NR5A1: variants seen among roughly 807,000 people sequenced by gnomAD.
NR5A1 encodes the protein nuclear receptor subfamily 5 group A member 1.
NR5A1 carries 6 observed loss-of-function variants against 42.7 expected under a neutral mutation model. That is an observed-to-expected ratio of 0.14 (90% CI 0.08 to 0.28). The LOEUF (loss-of-function observed/expected upper bound fraction) is 0.28, where lower values mean the gene tolerates loss of function less well. Among genes scored for constraint, NR5A1 ranks in the 10% least tolerant of loss-of-function variants. The pLI, the probability that NR5A1 is intolerant of heterozygous loss-of-function variation, is 1.00. For missense variants in NR5A1, 442 were observed against 626.4 expected, an observed-to-expected ratio of 0.71 and a Z score of 3.14; for synonymous variants, 274 against 277.5, an observed-to-expected ratio of 0.99 and a Z score of 0.12.
chr9:124,489,427 A>C (rs1832269347), intron 6 of NR5A1, among the ~76,000 whole-genome samples: 1 of 152,166 alleles, frequency 6.6e-6, no homozygotes, highest in Admixed American at 6.5e-5. Flanking sequence ...GTCACACACA[A>C]ACTCTTCACA....
At chr9:124,487,314 G>T (rs1390483374) in intron 6 of NR5A1, among the ~76,000 whole-genome samples, 1 of 152,250 alleles carries the variant, frequency 6.6e-6, no homozygotes, top group African/African-American at 2.4e-5. Flanking sequence ...CTCGAGTGGG[G>T]CTGCTATTCA....
chr9:124,487,847 C>T (rs779161050), intron 6 of NR5A1, among the ~76,000 whole-genome samples: 9 of 152,246 alleles, frequency 5.9e-5, no homozygotes, highest in Admixed American at 2.0e-4. Context: ...CTGCTCCAGC[C>T]CAGCCCCAGG....
At position 124,485,552 on chromosome 9, in the gene NR5A1, C is replaced by T. The variant is rs573850902; in HGVS notation, c.1139-2547G>A. On this transcript the variant is annotated intron_variant, in intron 6 of 6. Transcript: ENST00000373588. ...TCCCAGCCCAGCCCAGGCTCCTCAC[C>T]CTCCCTTCTGAAGCGAGCCAGGAGC... is the stretch of plus-strand genomic sequence containing the variant. Among the ~76,000 whole-genome samples the T allele has an allele frequency of 3.9e-5, 6 of 152,322 alleles. No homozygotes were observed. In the South Asian group the frequency reaches 1.2e-3, roughly 32 times the overall value.
At chr9:124,489,491 C>T (rs1055879973) in intron 6 of NR5A1, among the ~76,000 whole-genome samples, 11 of 152,210 alleles carry the variant, frequency 7.2e-5, no homozygotes, top group African/African-American at 2.7e-4. Flanking sequence ...TTTGCACATG[C>T]CAGCACGCAC....
Position 124,503,535 on chromosome 9 carries a change from G to C in NR5A1, c.-15-125C>G. On this transcript the variant is annotated intron_variant, in intron 1 of 6. Transcript: ENST00000373588. The surrounding 1 kb of genome is among the most constrained non-coding windows in gnomAD (Gnocchi z 9.6). Reference sequence around the variant, plus strand: ...CCCCTCTCTGTGCCCAGGCGCTGCCGCCGGCACCCACCGAGCGCCCCGCGC... The same window carrying C: ...CCCCTCTCTGTGCCCAGGCGCTGCCCCCGGCACCCACCGAGCGCCCCGCGC... 1 of 718,022 alleles carries C rather than the reference G, an allele frequency of 1.4e-6. No individual in the cohort carries two copies. Among genetic ancestry groups the C allele is most frequent in the Non-Finnish European group, 2.1e-6 (1 of 476,236 alleles). 44.5% of individuals were successfully genotyped at this position (718,022 alleles called of 1,614,324 possible).
chr9:124,500,401 C>T lies in NR5A1; in HGVS notation c.559G>A (p.Ala187Thr). The T allele has an allele frequency of 6.4e-7, 1 of 1,562,130 alleles. No homozygotes were observed. Among genetic ancestry groups the T allele is most frequent in the Admixed American group, 1.9e-5 (1 of 52,120 alleles). The stretch of plus-strand genomic sequence containing the variant: ...GACTTGATGGCACGGCCAGGAAAGG[C>T]AGGGTAGAGGTAGCCAGCCAGTGGC... Reference protein sequence around the residue: ...HGPLAGYLYPAFPGRAIKSEY... With the variant: ...HGPLAGYLYPTFPGRAIKSEY... The change falls in exon 4 of 7, where the codon GCC becomes ACC. Residue 187 changes from alanine (A) to threonine (T), a missense_variant. Physicochemically the swap from Ala to Thr is moderately conservative, Grantham distance 58. This residue lies in a region of NR5A1 where 208 missense variants were observed against 203.8 expected (regional missense o/e 1.02). Transcript: ENST00000373588. This position sits in a 1 kb window ranked among gnomAD's most constrained non-coding sequence, Gnocchi z 6.9.
intron 6 of NR5A1, among the ~76,000 whole-genome samples, chr9:124,490,286 G>C (rs930790657): frequency 6.6e-6 from 1 of 152,238 alleles, no homozygotes; most frequent in Non-Finnish European, 1.5e-5. Context: ...CACCCAGGCT[G>C]TAGGTCTTTT....
At chr9:124,504,241 C>A (rs184432227) in intron 1 of NR5A1, among the ~76,000 whole-genome samples, 2 of 152,110 alleles carry the variant, frequency 1.3e-5, no homozygotes, top group East Asian at 3.9e-4. Flanking sequence ...TACAGAAACA[C>A]GGAGAGAAAA....
At position 124,500,013 on chromosome 9, in the gene NR5A1, A is replaced by C. The variant is rs532762859; in HGVS notation, c.870+77T>G. 1 of 1,608,118 alleles carries C rather than the reference A, an allele frequency of 6.2e-7. No homozygotes were observed. The highest frequency in any genetic ancestry group is 8.5e-7 in the Non-Finnish European group (1 of 1,176,056). ...GCCAGTGGGAAGGATGGCCCTATCC[A>C]AAGGACAGTCGGGCTAAGGCTTGGG... On this transcript the variant is annotated intron_variant, in intron 4 of 6. Transcript: ENST00000373588. The surrounding 1 kb of genome is among the most constrained non-coding windows in gnomAD (Gnocchi z 6.9).
In NR5A1 at chr9:124,501,107, G is replaced by C. The variant is rs1832465184; in HGVS notation, c.245-392C>G. The C allele has an allele frequency of 2.0e-6, 1 of 493,902 alleles. No individual in the cohort carries two copies. Among genetic ancestry groups the C allele is most frequent in the East Asian group, 6.0e-5 (1 of 16,636 alleles). The allele number at this position is 493,902 out of a possible 1,614,324, so 30.6% of individuals were successfully genotyped here. ...TGGATTCATGCAAACGGGCTCTACT[G>C]TCCTTGCCCCAGGTGCCCTGTCCTT... On this transcript the variant is annotated intron_variant, in intron 3 of 6. Coordinates refer to ENST00000373588, the MANE Select transcript of NR5A1 (RefSeq NM_004959.5). The surrounding 1 kb of genome is among the most constrained non-coding windows in gnomAD (Gnocchi z 4.1).
chr9:124,500,400 G>A lies in NR5A1; in HGVS notation c.560C>T (p.Ala187Val). The change falls in exon 4 of 7, where the codon GCC (alanine) becomes GTC (valine). Residue 187 changes from alanine (A) to valine (V), a missense_variant. By Grantham distance (64) the Ala-to-Val change is moderately conservative. Around this residue, in one of 3 missense-constraint regions of NR5A1, gnomAD observed 208 missense variants for 203.8 expected, o/e 1.02. Coordinates refer to ENST00000373588, the MANE Select transcript of NR5A1 (RefSeq NM_004959.5). This position sits in a 1 kb window ranked among gnomAD's most constrained non-coding sequence, Gnocchi z 6.9. ...AGACTTGATGGCACGGCCAGGAAAG[G>A]CAGGGTAGAGGTAGCCAGCCAGTGG... Reference protein sequence around the residue: ...HGPLAGYLYPAFPGRAIKSEY... With the variant: ...HGPLAGYLYPVFPGRAIKSEY... 1.9e-6 allele frequency: 3 copies of A among 1,561,718 alleles called. No homozygotes were observed. Among genetic ancestry groups the A allele is most frequent in the African/African-American group, 1.4e-5 (1 of 73,788 alleles).
intron 1 of NR5A1, among the ~76,000 whole-genome samples, chr9:124,504,631 C>T (rs1564154340): frequency 1.3e-5 from 2 of 151,684 alleles, no homozygotes; most frequent in South Asian, 4.1e-4. Context: ...GAGCCAGGGC[C>T]CGGGACGCGA....
At chr9:124,487,064 C>A (rs6478666) in intron 6 of NR5A1, among the ~76,000 whole-genome samples, 59 of 152,246 alleles carry the variant, frequency 3.9e-4, no homozygotes, top group Admixed American at 8.5e-4. Flanking sequence ...CCTGCGCCCC[C>A]CAAGCCCGCT....
chr9:124,490,120 T>C (rs528077410), intron 6 of NR5A1, among the ~76,000 whole-genome samples: 1 of 152,184 alleles, frequency 6.6e-6, no homozygotes, highest in East Asian at 1.9e-4. Flanking sequence ...CCATCCCACC[T>C]GCATCACTGC....
chr9:124,493,469 A>G (rs1832346025), intron 4 of NR5A1, among the ~76,000 whole-genome samples: 1 of 152,228 alleles, frequency 6.6e-6, no homozygotes. Context: ...CGGACAGTCC[A>G]GTACATGTTA....
intron 4 of NR5A1, among the ~76,000 whole-genome samples, chr9:124,495,653 C>A (rs1251369284): frequency 1.3e-5 from 2 of 152,162 alleles, no homozygotes; most frequent in Non-Finnish European, 2.9e-5. Context: ...GGAGCAGACA[C>A]GCTTGCGCCC....
chr9:124,482,583 C>T lies in NR5A1; in HGVS notation c.*175G>A. On this transcript the variant is annotated 3_prime_UTR_variant, in exon 7 of 7. Coordinates refer to ENST00000373588, the MANE Select transcript of NR5A1 (RefSeq NM_004959.5). ...CCGCCAGGCCCTGCCCAGCCTCACC[C>T]ACCTTCCCAAACACACAGTGTCAGA... 1 of 727,652 alleles carries T rather than the reference C, an allele frequency of 1.4e-6. No homozygotes were observed. Among genetic ancestry groups the T allele is most frequent in the South Asian group, 1.8e-5 (1 of 56,786 alleles). The allele number at this position is 727,652 out of a possible 1,614,324, so 45.1% of individuals were successfully genotyped here.
intron 5 of NR5A1, among the ~76,000 whole-genome samples, chr9:124,492,763 T>G (rs1195896963): frequency 6.6e-6 from 1 of 152,158 alleles, no homozygotes; most frequent in South Asian, 2.1e-4. Context: ...TCCTCCTCCA[T>G]GAGCCTCTCC....
rs370546055 is a variant in NR5A1, at chr9:124,493,016, G to A, written c.990+14C>T. ...CAGGGCGGGGCCCAGGGGCGGGGCC[G>A]AGGGACTGGTCACCTCCTGCCCGGT... On this transcript the variant is annotated intron_variant, in intron 5 of 6. Transcript: ENST00000373588. The A allele has an allele frequency of 3.7e-5, 59 of 1,578,024 alleles. No individual in the cohort carries two copies. Among genetic ancestry groups the A allele is most frequent in the Middle Eastern group, 1.8e-4 (1 of 5,490 alleles).
Sources: gnomAD v4.1 joint callset for allele counts (sites outside exome capture counted in the v4.1 genomes callset) on GRCh38, gnomAD v4.1.1 for gene constraint, gnomAD v4.1.1 regional missense constraint, Gnocchi (gnomAD v3.1) non-coding constraint, MANE v1.5 for transcripts, NCBI Gene and HGNC (gene_info 2026-07-23, HGNC 2026-07-21) for gene names.